The following SRRM4 variants were observed in gnomAD, a reference collection of about 807,000 sequenced individuals.
SRRM4 encodes serine/arginine repetitive matrix protein 4.
SRRM4 carries 33 observed loss-of-function variants against 68.9 expected under a neutral mutation model. That is an observed-to-expected ratio of 0.48 (90% CI 0.36 to 0.64). The LOEUF (loss-of-function observed/expected upper bound fraction) is 0.64. SRRM4 is among the 30% of genes least tolerant of loss of function. The pLI, the probability that SRRM4 is intolerant of heterozygous loss-of-function variation, is 0.00. For synonymous variants in SRRM4, 318 were observed against 318.8 expected, an observed-to-expected ratio of 1.00 and a Z score of 0.03; for missense variants, 817 against 827.1, an observed-to-expected ratio of 0.99 and a Z score of 0.15.
Position 118,988,461 on chromosome 12 carries a change from C to T in SRRM4, c.131+6448C>T, listed in dbSNP as rs184020479. Among the ~76,000 whole-genome samples, 258 of 152,258 alleles carry T rather than the reference C, an allele frequency of 1.7e-3. 2 individuals are homozygous for T. Among genetic ancestry groups the T allele is most frequent in the Non-Finnish European group, 3.0e-3 (207 of 68,028 alleles). ...TCCAGCTCAAGGATGCAGTCTCTGG[C>T]GTGGGCTATTAGGCTTCTTGTCCTT... On this transcript the variant is annotated intron_variant, in intron 1 of 12. Coordinates refer to ENST00000267260, the MANE Select transcript of SRRM4 (RefSeq NM_194286.4).
intron 1 of SRRM4, among the ~76,000 whole-genome samples, chr12:119,032,296 G>A (rs973151630): frequency 2.0e-5 from 3 of 152,146 alleles, no homozygotes; most frequent in Admixed American, 6.5e-5. Context: ...TAGAAATTCC[G>A]AGAGAAATTG....
At position 119,154,213 on chromosome 12, in the gene SRRM4, G is replaced by T; in HGVS notation, c.1392-30G>T. 1 of 1,573,770 alleles carries T rather than the reference G, an allele frequency of 6.4e-7. No homozygotes were observed. ...ACGCAGAAAATCCAGCCCAGCCCCA[G>T]CTCCCCAGTAACCCCCCGCGCCCCT... On this transcript the variant is annotated intron_variant, in intron 11 of 12. Transcript: ENST00000267260. This position sits in a 1 kb window ranked among gnomAD's most constrained non-coding sequence, Gnocchi z 4.7.
At chr12:119,090,685 G>A (rs1954009364) in intron 1 of SRRM4, among the ~76,000 whole-genome samples, 1 of 152,172 alleles carries the variant, frequency 6.6e-6, no homozygotes, top group Non-Finnish European at 1.5e-5. Flanking sequence ...CAGAGCTGAT[G>A]GTCCTTTCTT....
chr12:119,120,221 T>C (rs767839797), intron 4 of SRRM4, 29 bp from the exon 5 acceptor site: 27 of 1,511,340 alleles, frequency 1.8e-5, no homozygotes, highest in Non-Finnish European at 2.3e-5. Flanking sequence ...TGATTCTTCT[T>C]TTCATTTTTT....
At chr12:119,039,084 A>G (rs1953648645) in intron 1 of SRRM4, among the ~76,000 whole-genome samples, 1 of 152,252 alleles carries the variant, frequency 6.6e-6, no homozygotes, top group Non-Finnish European at 1.5e-5. Context: ...CGCAACAAGC[A>G]TCATCTCAGC....
intron 7 of SRRM4, 65 bp from the exon 8 acceptor site, chr12:119,130,613 C>T: frequency 6.6e-7 from 1 of 1,508,898 alleles, no homozygotes. Context: ...CCTGTTGGTC[C>T]TGCATACATC....
chr12:119,147,214 A>G (rs1345351388), intron 9 of SRRM4, among the ~76,000 whole-genome samples: 2 of 152,226 alleles, frequency 1.3e-5, no homozygotes, highest in Non-Finnish European at 2.9e-5. Flanking sequence ...CAATGTGAAA[A>G]GGTCACACAC....
intron 1 of SRRM4, among the ~76,000 whole-genome samples, chr12:118,982,373 T>A (rs963635252): frequency 6.6e-6 from 1 of 152,016 alleles, no homozygotes; most frequent in Non-Finnish European, 1.5e-5. Flanking sequence ...TTTGAGATGT[T>A]TGGGGGGTGT....
At position 119,086,136 on chromosome 12, in the gene SRRM4, G is replaced by T. The variant is rs141816024; in HGVS notation, c.132-16100G>T. Among the ~76,000 whole-genome samples the T allele has an allele frequency of 3.3e-3, 495 of 152,210 alleles. 3 individuals are homozygous for T. Among genetic ancestry groups the T allele is most frequent in the African/African-American group, 0.011 (458 of 41,508 alleles). On this transcript the variant is annotated intron_variant, in intron 1 of 12. Coordinates refer to ENST00000267260, the MANE Select transcript of SRRM4 (RefSeq NM_194286.4). ...AATGGATTACAGGGCCACCCTCAAC[G>T]TAACTAACCTGCCTGTATGGCACAT... is the stretch of plus-strand genomic sequence containing the variant.
intron 9 of SRRM4, among the ~76,000 whole-genome samples, chr12:119,146,173 G>A (rs1388478621): frequency 6.6e-5 from 10 of 152,116 alleles, no homozygotes; most frequent in Admixed American, 6.5e-4. Flanking sequence ...CATCACTAGG[G>A]CTAATGAGTC....
chr12:119,041,085 C>A (rs543932375), intron 1 of SRRM4, among the ~76,000 whole-genome samples: 148 of 152,224 alleles, frequency 9.7e-4, no homozygotes, highest in African/African-American at 3.1e-3. Flanking sequence ...TATATCCAGG[C>A]ATCATGTTAA....
In SRRM4 at chr12:119,063,724, A is replaced by G. The variant is rs566967741; in HGVS notation, c.132-38512A>G. On this transcript the variant is annotated intron_variant, in intron 1 of 12. Coordinates refer to ENST00000267260, the MANE Select transcript of SRRM4 (RefSeq NM_194286.4). ...TAGACATTGGTCTCTGGGAAATATT[A>G]TGAGTAAGAGTGAAAGAGTGAATCT... Among the ~76,000 whole-genome samples the G allele has an allele frequency of 2.0e-5, 3 of 152,358 alleles. No homozygotes were observed. In the South Asian group the frequency reaches 6.2e-4, roughly 32 times the overall value.
At chr12:119,030,114 G>A (rs995857827) in intron 1 of SRRM4, among the ~76,000 whole-genome samples, 26 of 152,134 alleles carry the variant, frequency 1.7e-4, no homozygotes, top group Admixed American at 1.3e-3. Context: ...ACTGAAATGC[G>A]AGAGAAAAAT....
At chr12:118,990,195 T>C (rs1953307689) in intron 1 of SRRM4, among the ~76,000 whole-genome samples, 1 of 152,110 alleles carries the variant, frequency 6.6e-6, no homozygotes, top group African/African-American at 2.4e-5. Flanking sequence ...AGAGTCAGAA[T>C]TGGAATGAGA....
chr12:119,115,261 C>T (rs1954171414), intron 3 of SRRM4, among the ~76,000 whole-genome samples: 1 of 151,990 alleles, frequency 6.6e-6, no homozygotes. Context: ...GTTTGTTTGC[C>T]AGCTATTGAC....
chr12:119,090,287 T>C (rs981813945), intron 1 of SRRM4, among the ~76,000 whole-genome samples: 1 of 152,128 alleles, frequency 6.6e-6, no homozygotes, highest in Non-Finnish European at 1.5e-5. Flanking sequence ...TTAGATGGAA[T>C]TCACAAGAAA....
chr12:119,001,437 T>C (rs1358257923), intron 1 of SRRM4: 1 of 152,228 alleles, frequency 6.6e-6, no homozygotes, highest in East Asian at 1.9e-4. Flanking sequence ...AAGGTAGGAA[T>C]TGCCCTTCAG....
intron 1 of SRRM4, among the ~76,000 whole-genome samples, chr12:119,019,872 T>C (rs1953503592): frequency 6.6e-6 from 1 of 150,622 alleles, no homozygotes; most frequent in Non-Finnish European, 1.5e-5. Context: ...AGAGATCTCA[T>C]AAACTACTGG....
At chr12:119,077,097 A>G (rs1041033540) in intron 1 of SRRM4, among the ~76,000 whole-genome samples, 9 of 152,196 alleles carry the variant, frequency 5.9e-5, no homozygotes, top group African/African-American at 1.9e-4. Flanking sequence ...TTCTCCCTTC[A>G]GTATGCTTTT....
Sources: allele counts gnomAD v4.1 joint callset (sites outside exome capture counted in the v4.1 genomes callset), GRCh38; gene constraint gnomAD v4.1.1; non-coding constraint Gnocchi (gnomAD v3.1); transcripts MANE v1.5; gene names NCBI Gene and HGNC (gene_info 2026-07-23, HGNC 2026-07-21).